Variants in SCN3A observed in about 807,000 individuals in gnomAD.
The protein encoded by SCN3A is sodium channel protein type 3 subunit alpha.
Under a neutral mutation model 187.6 loss-of-function variants are expected in SCN3A, and 60 were observed. The ratio of observed to expected loss-of-function variants is 0.32; its 90% CI spans 0.26 to 0.40. The LOEUF is 0.40. Ranked by LOEUF, SCN3A falls within the 10% of genes least tolerant of loss-of-function variation. The pLI, the probability that SCN3A is intolerant of heterozygous loss-of-function variation, is 1.00. For missense variants in SCN3A, 1,601 were observed against 2,428.2 expected (o/e 0.66, Z 7.16); for synonymous variants, 788 against 829.2 (o/e 0.95, Z 0.85).
intron 15 of SCN3A, among the ~76,000 whole-genome samples, chr2:165,133,490 A>G (rs1177919687): frequency 6.6e-6 from 1 of 151,858 alleles, no homozygotes; most frequent in Admixed American, 6.6e-5. Context: ...GGCATGGGCT[A>G]CCTACCATGC....
intron 11 of SCN3A, among the ~76,000 whole-genome samples, chr2:165,152,999 G>GAAAAAAAAAA: frequency 8.3e-6 from 1 of 120,276 alleles, no homozygotes; most frequent in Non-Finnish European, 1.8e-5. Context: ...AAACAGCTTT[G>GAAAAAAAAAA]AAAAAAAAAA....
At chr2:165,094,563 CTAATTTT>C (rs1486428064) in intron 25 of SCN3A, 85 bp from the exon 26 acceptor site, 1 of 918,916 alleles carries the variant, frequency 1.1e-6, no homozygotes, top group African/African-American at 1.7e-5. Context: ...TTAATCTTTT[CTAATTTT>C]TAAGTGGATA....
chr2:165,156,171 A>C (rs13010846), intron 9 of SCN3A, among the ~76,000 whole-genome samples: 94,598 of 151,866 alleles, frequency 0.62, 30,117 homozygotes, highest in Non-Finnish European at 0.68. Flanking sequence ...TGGCTCTGAC[A>C]TTACCATATT....
intron 21 of SCN3A, among the ~76,000 whole-genome samples, chr2:165,108,112 G>A (rs1406469644): frequency 1.3e-5 from 2 of 152,288 alleles, no homozygotes; most frequent in Non-Finnish European, 2.9e-5. Context: ...CCTGTACACA[G>A]TGTGCATTAA....
intron 2 of SCN3A, among the ~76,000 whole-genome samples, chr2:165,184,981 A>G (rs1254505331): frequency 6.6e-6 from 1 of 152,032 alleles, no homozygotes; most frequent in East Asian, 1.9e-4. Flanking sequence ...AGCTAAACAC[A>G]TGATTGCCAA....
intron 15 of SCN3A, among the ~76,000 whole-genome samples, chr2:165,132,544 T>C (rs1244430538): frequency 1.3e-5 from 2 of 152,228 alleles, no homozygotes; most frequent in African/African-American, 2.4e-5. Flanking sequence ...GATTCCCTAT[T>C]TAATAAATGG....
chr2:165,150,052 A>C (rs1450155732), intron 11 of SCN3A, among the ~76,000 whole-genome samples: 2 of 152,204 alleles, frequency 1.3e-5, no homozygotes, highest in African/African-American at 4.8e-5. Flanking sequence ...GCTTACTCCC[A>C]AATTTTTTCC....
intron 19 of SCN3A, among the ~76,000 whole-genome samples, chr2:165,115,005 G>A (rs902779721): frequency 5.9e-5 from 9 of 152,016 alleles, no homozygotes; most frequent in Admixed American, 1.3e-4. Flanking sequence ...GGAAAATAAA[G>A]ATAAACATGC....
At chr2:165,121,197 C>T (rs1257351204) in intron 18 of SCN3A, among the ~76,000 whole-genome samples, 1 of 151,914 alleles carries the variant, frequency 6.6e-6, no homozygotes, top group Non-Finnish European at 1.5e-5. Context: ...TCACAAAGAG[C>T]ATTTGGAAGA....
At chr2:165,115,107 G>T (rs537554192) in intron 19 of SCN3A, among the ~76,000 whole-genome samples, 1 of 152,210 alleles carries the variant, frequency 6.6e-6, no homozygotes, top group East Asian at 1.9e-4. Flanking sequence ...AGGCTGAAGT[G>T]CAGTGGCATA....
At chr2:165,174,544 T>C (rs1690328269) in intron 3 of SCN3A, among the ~76,000 whole-genome samples, 1 of 152,210 alleles carries the variant, frequency 6.6e-6, no homozygotes, top group Non-Finnish European at 1.5e-5. Flanking sequence ...TCCCCCTTAA[T>C]CTTACCAGCC....
At chr2:165,169,923 T>G (rs1025538069) in intron 4 of SCN3A, among the ~76,000 whole-genome samples, 1 of 150,780 alleles carries the variant, frequency 6.6e-6, no homozygotes, top group Non-Finnish European at 1.5e-5. Flanking sequence ...CTGATAAATA[T>G]TTACTGAAAA....
At chr2:165,110,103 A>G (rs1686047547) in intron 21 of SCN3A, among the ~76,000 whole-genome samples, 1 of 152,246 alleles carries the variant, frequency 6.6e-6, no homozygotes, top group Non-Finnish European at 1.5e-5. Context: ...CCAAACACGC[A>G]GTAATTTACC....
intron 1 of SCN3A, among the ~76,000 whole-genome samples, chr2:165,196,393 T>C (rs1260751917): frequency 1.3e-5 from 2 of 152,134 alleles, no homozygotes; most frequent in East Asian, 3.9e-4. Flanking sequence ...TTTTCTGTTA[T>C]GATAATCATT....
At chr2:165,127,220 A>G (rs1438756588) in intron 18 of SCN3A, among the ~76,000 whole-genome samples, 1 of 150,010 alleles carries the variant, frequency 6.7e-6, no homozygotes, top group East Asian at 2.0e-4. Flanking sequence ...CACCATGCCC[A>G]GTGAATTTTC....
chr2:165,188,617 G>A (rs930822969), intron 1 of SCN3A, among the ~76,000 whole-genome samples: 4 of 151,670 alleles, frequency 2.6e-5, no homozygotes, highest in East Asian at 1.9e-4. Flanking sequence ...GTGAAACCCC[G>A]TCTCTACTAA....
In SCN3A at chr2:165,091,181, T is replaced by C; in HGVS notation, c.4972A>G (p.Ile1658Val). Residue 1658 changes from isoleucine (I) to valine (V), a missense_variant, in exon 28 of 28, where the codon ATC becomes GTC. This residue lies in a region of SCN3A where 320 missense variants were observed against 623.2 expected (regional missense o/e 0.51). Transcript: ENST00000283254. ...ATGACCAGGAAGAGCAGGAGGCCGA[T>C]GTTAAACAACGCAGGAAGGGACATC... Reference protein sequence around the residue: ...LMMSLPALFNIGLLLFLVMFI... With the variant: ...LMMSLPALFNVGLLLFLVMFI... 1.9e-6 allele frequency: 3 copies of C among 1,614,106 alleles called. No individual in the cohort carries two copies. The highest frequency in any genetic ancestry group is 2.5e-6 in the Non-Finnish European group (3 of 1,179,996).
chr2:165,201,163 G>A (rs928897540), intron 1 of SCN3A, among the ~76,000 whole-genome samples: 3 of 152,010 alleles, frequency 2.0e-5, no homozygotes, highest in Non-Finnish European at 4.4e-5. Flanking sequence ...AGAAAGTTTT[G>A]AAGTCCGTGA....
intron 22 of SCN3A, 84 bp downstream of exon 22, chr2:165,100,218 A>G (rs996775577): frequency 1.4e-6 from 2 of 1,443,450 alleles, no homozygotes; most frequent in South Asian, 2.3e-5. Flanking sequence ...AATAAATATC[A>G]GAAGAGTATG....
Sources: allele counts gnomAD v4.1 joint callset (sites outside exome capture counted in the v4.1 genomes callset), GRCh38; gene constraint gnomAD v4.1.1; regional missense constraint gnomAD v4.1.1; transcripts MANE v1.5; gene names NCBI Gene and HGNC (gene_info 2026-07-23, HGNC 2026-07-21).